Variants in GRID2 observed in about 807,000 individuals in gnomAD.
GRID2 encodes the protein glutamate receptor ionotropic, delta-2.
GRID2 carries 33 observed loss-of-function variants against 114.8 expected under a neutral mutation model. That is an observed-to-expected ratio of 0.29 (90% CI 0.22 to 0.38). The LOEUF (loss-of-function observed/expected upper bound fraction) is 0.38, where lower values mean the gene tolerates loss of function less well. Among genes scored for constraint, GRID2 ranks in the 10% least tolerant of loss-of-function variants. GRID2 has a pLI of 1.00. For missense variants in GRID2, 1,184 were observed against 1,257.7 expected (o/e 0.94, Z 0.89); for synonymous variants, 505 against 449.9 (o/e 1.12, Z -1.55).
At chr4:92,938,745 T>A (rs1750864021) in intron 2 of GRID2, among the ~76,000 whole-genome samples, 2 of 133,936 alleles carry the variant, frequency 1.5e-5, no homozygotes, top group African/African-American at 2.7e-5. Flanking sequence ...CCCCAGAGTG[T>A]GATGTTCCCC....
At chr4:92,951,755 T>G (rs17327937) in intron 2 of GRID2, among the ~76,000 whole-genome samples, 13,825 of 152,244 alleles carry the variant, frequency 0.091, 691 homozygotes, top group Middle Eastern at 0.17. Flanking sequence ...CCAAAATTGG[T>G]ATAGATTCAT....
At chr4:93,097,619 T>A (rs1480066110) in intron 3 of GRID2, among the ~76,000 whole-genome samples, 1 of 151,944 alleles carries the variant, frequency 6.6e-6, no homozygotes, top group Non-Finnish European at 1.5e-5. Context: ...GTGCTTCTGA[T>A]AAGCCAGCTT....
rs869028615 is a variant in GRID2, at chr4:93,316,304, GA to G, written c.1245+77817del. On this transcript the variant is annotated intron_variant, in intron 8 of 15. Transcript: ENST00000282020. Reference sequence around the variant, plus strand: ...AGAACGAAAGAACGAAAGAAAGAAAGAAAGAAAGAAAGAAAGAAAGAAAGAA... The same window carrying G: ...AGAACGAAAGAACGAAAGAAAGAAAGAAGAAAGAAAGAAAGAAAGAAAGAA... Among the ~76,000 whole-genome samples the G allele has an allele frequency of 1.6e-4, 17 of 105,772 alleles. 1 individual carries two copies. Among genetic ancestry groups the G allele is most frequent in the Non-Finnish European group, 2.8e-4 (15 of 53,212 alleles). The allele number at this position is 105,772 out of a possible 152,430, so 69.4% of individuals were successfully genotyped here.
chr4:93,331,022 T>C (rs192907103), intron 8 of GRID2, among the ~76,000 whole-genome samples: 44 of 152,130 alleles, frequency 2.9e-4, no homozygotes, highest in African/African-American at 9.2e-4. Flanking sequence ...TCTTAAAAAG[T>C]ATATCAGATC....
chr4:92,763,896 T>C (rs78598986), intron 2 of GRID2, among the ~76,000 whole-genome samples: 2,485 of 152,254 alleles, frequency 0.016, 63 homozygotes, highest in African/African-American at 0.056. Flanking sequence ...AGAACAGATA[T>C]AATCTCATTT....
chr4:92,950,788 T>C (rs1751979287), intron 2 of GRID2, among the ~76,000 whole-genome samples: 1 of 152,218 alleles, frequency 6.6e-6, no homozygotes, highest in African/African-American at 2.4e-5. Context: ...GTGTAGTGTG[T>C]ACTAGAAAAG....
intron 1 of GRID2, among the ~76,000 whole-genome samples, chr4:92,539,801 A>T (rs1056752567): frequency 1.3e-5 from 2 of 152,146 alleles, no homozygotes; most frequent in African/African-American, 4.8e-5. Flanking sequence ...AAATGAAGGA[A>T]GAAAGAATTG....
chr4:93,367,325 C>T (rs541908622), intron 8 of GRID2, among the ~76,000 whole-genome samples: 18 of 151,710 alleles, frequency 1.2e-4, no homozygotes, highest in African/African-American at 4.1e-4. Flanking sequence ...CCAGTCATGC[C>T]ATCATCAAAT....
At position 92,688,044 on chromosome 4, in the gene GRID2, T is replaced by C. The variant is rs1263384296; in HGVS notation, c.244+97758T>C. Among the ~76,000 whole-genome samples the C allele has an allele frequency of 1.0e-4, 12 of 117,252 alleles. 1 individual carries two copies. Among genetic ancestry groups the C allele is most frequent in the South Asian group, 3.5e-4 (1 of 2,890 alleles). The allele number at this position is 117,252 out of a possible 152,430, so 76.9% of individuals were successfully genotyped here. On this transcript the variant is annotated intron_variant, in intron 2 of 15. Transcript: ENST00000282020. ...TGGTTGACCCTTCTTCTTCTTTTTTTTTTTTTTTTTTTTTTTTTTTTTGGG... is the reference window on the plus strand; with the variant it reads ...TGGTTGACCCTTCTTCTTCTTTTTTCTTTTTTTTTTTTTTTTTTTTTTGGG...
At chr4:93,284,091 TTCTTA>T (rs1297461228) in intron 8 of GRID2, among the ~76,000 whole-genome samples, 2 of 152,102 alleles carry the variant, frequency 1.3e-5, no homozygotes, top group Non-Finnish European at 2.9e-5. Flanking sequence ...TTTCTACTTT[TTCTTA>T]TCTTTTTACT....
At chr4:92,998,585 G>T (rs1367050826) in intron 2 of GRID2, among the ~76,000 whole-genome samples, 1 of 151,780 alleles carries the variant, frequency 6.6e-6, no homozygotes, top group African/African-American at 2.4e-5. Context: ...CATGTTTATA[G>T]CAAATATATT....
At chr4:93,703,012 G>T (rs536418353) in intron 14 of GRID2, among the ~76,000 whole-genome samples, 1 of 147,658 alleles carries the variant, frequency 6.8e-6, no homozygotes, top group Admixed American at 7.2e-5. Context: ...ATAACTGAAA[G>T]GGGTGAAGGA....
intron 14 of GRID2, among the ~76,000 whole-genome samples, chr4:93,749,991 T>G (rs757869484): frequency 6.6e-6 from 1 of 152,214 alleles, no homozygotes; most frequent in Non-Finnish European, 1.5e-5. Flanking sequence ...TCAATAAATG[T>G]GAGACATGTT....
At chr4:93,450,282 A>G (rs190509319) in intron 10 of GRID2, among the ~76,000 whole-genome samples, 233 of 152,034 alleles carry the variant, frequency 1.5e-3, no homozygotes, top group Middle Eastern at 6.8e-3. Context: ...CATCTAATAA[A>G]GAGTACAGGG....
intron 2 of GRID2, among the ~76,000 whole-genome samples, chr4:92,615,055 T>C: frequency 6.6e-6 from 1 of 151,536 alleles, no homozygotes; most frequent in Admixed American, 6.6e-5. Context: ...ACAGGGTGGC[T>C]TAAACAATAG....
chr4:92,938,528 G>T (rs1750838032), intron 2 of GRID2, among the ~76,000 whole-genome samples: 1 of 145,898 alleles, frequency 6.9e-6, no homozygotes, highest in Admixed American at 7.5e-5. Context: ...CCCTAGCTAT[G>T]TAATATTAAG....
At chr4:93,033,924 A>G (rs1345937793) in intron 2 of GRID2, among the ~76,000 whole-genome samples, 5 of 152,176 alleles carry the variant, frequency 3.3e-5, no homozygotes, top group Non-Finnish European at 7.3e-5. Context: ...TTTGACTGAC[A>G]TTGGTCATAG....
intron 14 of GRID2, among the ~76,000 whole-genome samples, chr4:93,758,481 T>C (rs1560980428): frequency 1.3e-5 from 2 of 152,330 alleles, no homozygotes; most frequent in East Asian, 3.9e-4. Context: ...CTCAGAATAA[T>C]GAATTCCTTC....
At chr4:92,699,627 G>A (rs1022613763) in intron 2 of GRID2, among the ~76,000 whole-genome samples, 1 of 152,064 alleles carries the variant, frequency 6.6e-6, no homozygotes, top group Non-Finnish European at 1.5e-5. Context: ...TTTCGTTGCT[G>A]TTGTATAGCT....
Sources: gnomAD v4.1 joint callset for allele counts (sites outside exome capture counted in the v4.1 genomes callset) on GRCh38, gnomAD v4.1.1 for gene constraint, MANE v1.5 for transcripts, NCBI Gene and HGNC (gene_info 2026-07-23, HGNC 2026-07-21) for gene names.